Variants in SNRPN observed in about 807,000 individuals in gnomAD.
SNRPN encodes small nuclear ribonucleoprotein polypeptide N, also known as small nuclear ribonucleoprotein-associated protein N.
Under a neutral mutation model 25.2 loss-of-function variants are expected in SNRPN, and 7 were observed. The ratio of observed to expected loss-of-function variants is 0.28; its 90% confidence interval spans 0.16 to 0.52. The LOEUF is 0.52. SNRPN is among the 20% of genes least tolerant of loss of function. The probability of loss-of-function intolerance (pLI) is 0.96; values close to 1 mark genes in which losing one functional copy is unlikely to be tolerated. For synonymous variants in SNRPN, 124 were observed against 110.6 expected (o/e 1.12, Z -0.76); for missense variants, 196 against 322.5 (o/e 0.61, Z 3.00).
chr15:24,941,262 C>A (rs1463641001), intron 3 of SNRPN, among the ~76,000 whole-genome samples: 5 of 152,192 alleles, frequency 3.3e-5, no homozygotes, highest in Non-Finnish European at 7.3e-5. Flanking sequence ...TAGGCGTGAG[C>A]CACTGCACCC....
chr15:24,941,508 G>T (rs911404033), intron 3 of SNRPN, among the ~76,000 whole-genome samples: 2 of 152,114 alleles, frequency 1.3e-5, no homozygotes, highest in Admixed American at 1.3e-4. Context: ...ATTTCTGAAG[G>T]GTCTAGGCCA....
intron 2 of SNRPN, among the ~76,000 whole-genome samples, chr15:24,915,089 G>A (rs180878247): frequency 2.0e-5 from 3 of 151,936 alleles, no homozygotes; most frequent in Admixed American, 1.3e-4. Context: ...TATCAAGGGT[G>A]ATCAGATATC....
chr15:24,858,846 TTTAA>T (rs1164388407), intron 1 of SNRPN, among the ~76,000 whole-genome samples: 8 of 152,132 alleles, frequency 5.3e-5, no homozygotes, highest in Non-Finnish European at 1.2e-4. Context: ...TCGTTTATTC[TTTAA>T]TTAATAGTAA....
chr15:24,854,653 G>A (rs377325514), upstream of SNRPN, among the ~76,000 whole-genome samples: 5 of 152,214 alleles, frequency 3.3e-5, no homozygotes, highest in East Asian at 9.7e-4. Context: ...CACATTTGTT[G>A]TACTTTTGTT....
At chr15:24,845,563 A>G (rs370795563) in intron 2 of SNRPN, among the ~76,000 whole-genome samples, 67 of 152,152 alleles carry the variant, frequency 4.4e-4, no homozygotes, top group African/African-American at 1.6e-3. Flanking sequence ...ATGCAGTTGC[A>G]CTCCAGCCTG....
intron 3 of SNRPN, among the ~76,000 whole-genome samples, chr15:24,936,885 T>C (rs1210981067): frequency 6.6e-6 from 1 of 152,176 alleles, no homozygotes; most frequent in Non-Finnish European, 1.5e-5. Flanking sequence ...ATATTTTACT[T>C]ATTTTCAGTT....
chr15:24,873,546 C>G (rs955934298), intron 1 of SNRPN, among the ~76,000 whole-genome samples: 1 of 150,820 alleles, frequency 6.6e-6, no homozygotes, highest in African/African-American at 2.4e-5. Flanking sequence ...CTCCCCGGTT[C>G]ACACCATTCT....
At chr15:24,853,801 C>G (rs2053119561), upstream of SNRPN, among the ~76,000 whole-genome samples, 1 of 152,104 alleles carries the variant, frequency 6.6e-6, no homozygotes, top group African/African-American at 2.4e-5. Flanking sequence ...ATTTGATTAC[C>G]TATTTGAATT....
chr15:24,840,901 G>C (rs1163383566), intron 2 of SNRPN, among the ~76,000 whole-genome samples: 1 of 152,104 alleles, frequency 6.6e-6, no homozygotes, highest in African/African-American at 2.4e-5. Flanking sequence ...GGCTGACCTG[G>C]TGCGATCTTG....
At chr15:24,957,161 CCTT>C (rs1379244596) in intron 1 of SNRPN, among the ~76,000 whole-genome samples, 2 of 152,096 alleles carry the variant, frequency 1.3e-5, no homozygotes, top group African/African-American at 2.4e-5. Context: ...ATTCAGTTAT[CCTT>C]CTTAATCTCT....
intron 2 of SNRPN, among the ~76,000 whole-genome samples, chr15:24,898,057 G>T (rs554902052): frequency 1.6e-3 from 236 of 152,090 alleles, no homozygotes; most frequent in African/African-American, 4.8e-3. Context: ...CTTGGTAAAT[G>T]GTATCTAAAT....
At chr15:24,955,281 C>T (rs887114129) in intron 1 of SNRPN, among the ~76,000 whole-genome samples, 1 of 152,032 alleles carries the variant, frequency 6.6e-6, no homozygotes, top group Non-Finnish European at 1.5e-5. Flanking sequence ...GGCGCGTCCC[C>T]CATCCGCCCC....
At position 24,978,314 on chromosome 15, in the gene SNRPN, T is replaced by G. The variant is rs749619229; in HGVS notation, c.681T>G (p.Ile227Met). ...GAATGAGACCCCCTCCACCAGGCATTAGAGGTGAGTGGGAGCATAGGGGTT... is the reference window on the plus strand; with the variant it reads ...GAATGAGACCCCCTCCACCAGGCATGAGAGGTGAGTGGGAGCATAGGGGTT... Reference protein sequence around the residue: ...PPGMRPPPPGIRGPPPPGMRP... With the variant: ...PPGMRPPPPGMRGPPPPGMRP... Residue 227 changes from isoleucine (I) to methionine (M), a missense_variant, in exon 9 of 10, where the codon ATT becomes ATG. Coordinates refer to ENST00000390687, the MANE Select transcript of SNRPN (RefSeq NM_003097.6). 1.5e-5 allele frequency: 24 copies of G among 1,613,998 alleles called. No homozygotes were observed. The highest frequency in any genetic ancestry group is 1.9e-5 in the Non-Finnish European group (23 of 1,180,006).
At chr15:24,882,954 G>C (rs972577838) in intron 1 of SNRPN, among the ~76,000 whole-genome samples, 13 of 151,874 alleles carry the variant, frequency 8.6e-5, no homozygotes, top group Non-Finnish European at 1.8e-4. Context: ...CTACATTTGG[G>C]CAAAATCATC....
chr15:24,967,678 G>A (rs1413020046), intron 2 of SNRPN, among the ~76,000 whole-genome samples: 4 of 151,172 alleles, frequency 2.6e-5, no homozygotes, highest in Admixed American at 2.0e-4. Context: ...TGTGGTGGTA[G>A]GTGCCTGTAA....
At chr15:24,887,934 C>A (rs956813092) in intron 2 of SNRPN, among the ~76,000 whole-genome samples, 1 of 152,006 alleles carries the variant, frequency 6.6e-6, no homozygotes, top group East Asian at 1.9e-4. Context: ...TATATTAAGT[C>A]ATAGGACAGT....
chr15:24,938,678 G>A (rs1278073419), intron 3 of SNRPN, among the ~76,000 whole-genome samples: 1 of 152,200 alleles, frequency 6.6e-6, no homozygotes, highest in African/African-American at 2.4e-5. Context: ...CAGAAGATAG[G>A]AGTGAAGGGA....
chr15:24,955,209 A>C, intron 1 of SNRPN, 147 bp downstream of exon 1: 1 of 1,134,160 alleles, frequency 8.8e-7, no homozygotes, highest in Non-Finnish European at 1.3e-6. Flanking sequence ...CCAGATCCGG[A>C]ATGTTCAGAG....
intron 2 of SNRPN, among the ~76,000 whole-genome samples, chr15:24,963,913 T>G (rs2075239742): frequency 6.6e-6 from 1 of 152,012 alleles, no homozygotes; most frequent in Non-Finnish European, 1.5e-5. Flanking sequence ...CTACCTGTAG[T>G]CTCAGCTACC....
Sources: allele counts gnomAD v4.1 joint callset (sites outside exome capture counted in the v4.1 genomes callset), GRCh38; gene constraint gnomAD v4.1.1; transcripts MANE v1.5; gene names NCBI Gene and HGNC (gene_info 2026-07-23, HGNC 2026-07-21).